The following PNLDC1 variants were observed in gnomAD, a reference collection of about 807,000 sequenced individuals.
PNLDC1 encodes PARN like ribonuclease domain containing exonuclease 1.
PNLDC1 carries 70 observed loss-of-function variants against 82.0 expected under a neutral mutation model. That is an observed-to-expected ratio of 0.85 (90% confidence interval 0.70 to 1.04). The LOEUF (loss-of-function observed/expected upper bound fraction) is 1.04. Among genes scored for constraint, PNLDC1 ranks in the 50% least tolerant of loss-of-function variants. The probability of loss-of-function intolerance (pLI) is 0.00; values close to 1 mark genes in which losing one functional copy is unlikely to be tolerated. For missense variants in PNLDC1, 631 were observed against 661.1 expected, an observed-to-expected ratio of 0.95 and a Z score of 0.50; for synonymous variants, 280 against 249.3, an observed-to-expected ratio of 1.12 and a Z score of -1.16.
At chr6:159,816,860 T>G (rs1451681411) in intron 14 of PNLDC1, among the ~76,000 whole-genome samples, 1 of 152,134 alleles carries the variant, frequency 6.6e-6, no homozygotes, top group African/African-American at 2.4e-5. Context: ...AGATGGGGTT[T>G]CACCATGCTG....
intron 5 of PNLDC1, 129 bp from the exon 6 acceptor site, chr6:159,804,420 G>C (rs1366989054): frequency 1.6e-5 from 11 of 689,952 alleles, no homozygotes; most frequent in Non-Finnish European, 2.5e-6. Context: ...TGTCTTACAA[G>C]TGATCTAGAC....
intron 7 of PNLDC1, among the ~76,000 whole-genome samples, chr6:159,806,567 A>G (rs1216425272): frequency 6.6e-6 from 1 of 152,142 alleles, no homozygotes; most frequent in Non-Finnish European, 1.5e-5. Flanking sequence ...TGCCATTTGC[A>G]TTGGTGCCCA....
chr6:159,811,663 A>G, intron 10 of PNLDC1, 38 bp from the exon 11 acceptor site: 1 of 1,557,932 alleles, frequency 6.4e-7, no homozygotes, highest in Non-Finnish European at 8.8e-7. Context: ...TTGCCAACAA[A>G]CAAATTCACT....
intron 10 of PNLDC1, among the ~76,000 whole-genome samples, chr6:159,810,764 T>TACAAAGA (rs1781619569): frequency 6.6e-6 from 1 of 152,182 alleles, no homozygotes; most frequent in South Asian, 2.1e-4. Context: ...TTAATAAACG[T>TACAAAGA]ACAAAGAACA....
chr6:159,820,336 TGA>T, intron 18 of PNLDC1, 116 bp from the exon 19 acceptor site: 1 of 947,072 alleles, frequency 1.1e-6, no homozygotes, highest in African/African-American at 1.6e-5. Flanking sequence ...GTCGGGAGAG[TGA>T]CAGCAAGAAA....
At position 159,804,660 on chromosome 6, in the gene PNLDC1, C is replaced by G. The variant is rs201706070; in HGVS notation, c.461+23C>G. ...CAGGTATGGCCTGTTTCTCCAGGTG[C>G]CTTTTTGTTTCCTTGTTGCTGTTGT... On this transcript the variant is annotated intron_variant, in intron 6 of 18. Transcript: ENST00000392167. The G allele has an allele frequency of 3.1e-5, 48 of 1,546,962 alleles. No individual in the cohort carries two copies. The Middle Eastern group carries it at 1.7e-3, about 54-fold the overall frequency.
At chr6:159,809,552 C>CT (rs1259668648) in intron 9 of PNLDC1, among the ~76,000 whole-genome samples, 2 of 151,788 alleles carry the variant, frequency 1.3e-5, no homozygotes, top group African/African-American at 4.9e-5. Flanking sequence ...CCTTGGCCTC[C>CT]TAAAATGGTG....
intron 10 of PNLDC1, among the ~76,000 whole-genome samples, chr6:159,810,757 A>G (rs1781619092): frequency 6.6e-6 from 1 of 152,264 alleles, no homozygotes; most frequent in African/African-American, 2.4e-5. Flanking sequence ...AAATGAATTA[A>G]TAAACGTACA....
chr6:159,799,982 C>T (rs190391177), upstream of PNLDC1, among the ~76,000 whole-genome samples: 142 of 152,298 alleles, frequency 9.3e-4, no homozygotes, highest in Non-Finnish European at 1.6e-3. Flanking sequence ...ACTCTGTCTT[C>T]GTCTCCTGCC....
intron 2 of PNLDC1, 122 bp downstream of exon 2, chr6:159,800,951 A>C (rs1441808021): frequency 4.1e-6 from 6 of 1,473,212 alleles, no homozygotes; most frequent in Non-Finnish European, 4.7e-6. Flanking sequence ...TACGTGTTGG[A>C]GGACCTTGCT....
At chr6:159,820,283 C>T (rs1043138985) in intron 18 of PNLDC1, among the ~76,000 whole-genome samples, 171 bp from the exon 19 acceptor site, 2 of 152,184 alleles carry the variant, frequency 1.3e-5, no homozygotes, top group East Asian at 3.9e-4. Context: ...GGTTTGCATC[C>T]CAGAGCCAGC....
At chr6:159,803,463 CG>C in intron 4 of PNLDC1, 153 bp downstream of exon 4, 1 of 657,280 alleles carries the variant, frequency 1.5e-6, no homozygotes, top group Non-Finnish European at 2.6e-6. Context: ...CTGCCCTCTG[CG>C]GATTCCAGCT....
At position 159,817,900 on chromosome 6, in the gene PNLDC1, G is replaced by A. The variant is rs190290421; in HGVS notation, c.1158-655G>A. Among the ~76,000 whole-genome samples the A allele has an allele frequency of 7.5e-4, 114 of 152,320 alleles. 1 individual carries two copies. In the South Asian group the frequency reaches 0.02, roughly 27 times the overall value. On this transcript the variant is annotated intron_variant, in intron 15 of 18. Coordinates refer to ENST00000392167, the MANE Select transcript of PNLDC1 (RefSeq NM_001271862.2). ...TAAATACAAAAGTTCTGTGACACAC[G>A]GATGGGAAGCTTATTTCTTAAATGT...
intron 18 of PNLDC1, 143 bp from the exon 19 acceptor site, chr6:159,820,308 CAGA>C: frequency 1.3e-6 from 1 of 748,358 alleles, no homozygotes; most frequent in Non-Finnish European, 2.2e-6. Context: ...CCTCGAGAGG[CAGA>C]AGTTCAGTGT....
At chr6:159,803,116 CTG>C (rs1458216000) in intron 3 of PNLDC1, among the ~76,000 whole-genome samples, 153 bp from the exon 4 acceptor site, 1 of 152,146 alleles carries the variant, frequency 6.6e-6, no homozygotes, top group Non-Finnish European at 1.5e-5. Context: ...TGCTTCCAGT[CTG>C]TCTTTTCTTT....
chr6:159,799,681 T>G (rs1409445884), upstream of PNLDC1, among the ~76,000 whole-genome samples: 3 of 151,700 alleles, frequency 2.0e-5, no homozygotes, highest in Non-Finnish European at 4.4e-5. Flanking sequence ...CCGCAAGGAG[T>G]GAGTGCACGA....
At chr6:159,808,916 A>G in intron 8 of PNLDC1, 99 bp from the exon 9 acceptor site, 2 of 1,585,232 alleles carry the variant, frequency 1.3e-6, no homozygotes, top group Non-Finnish European at 1.7e-6. Context: ...GCACGCTGCT[A>G]GTTTTTCCCC....
rs730546 is a variant in PNLDC1 at position 159,800,911 on chromosome 6, G to C, written c.134+82G>C. 4.8e-4 allele frequency: 768 copies of C among 1,598,394 alleles called. 5 individuals carry two copies. The African/African-American group carries it at 9.2e-3, about 19-fold the overall frequency. ...CTGGCCAGCAGCCTGTTGGCATTTG[G>C]GGGGCAGGACGTTTTGTGTGGCTTG... is the stretch of plus-strand genomic sequence containing the variant. On this transcript the variant is annotated intron_variant, in intron 2 of 18. Transcript: ENST00000392167.
chr6:159,816,141 C>T (rs538690884), intron 13 of PNLDC1, 108 bp downstream of exon 13: 1 of 632,654 alleles, frequency 1.6e-6, no homozygotes, highest in East Asian at 3.3e-5. Flanking sequence ...CACCCACCCG[C>T]CACACCCCTC....
Sources: gnomAD v4.1 joint callset for allele counts (sites outside exome capture counted in the v4.1 genomes callset) on GRCh38, gnomAD v4.1.1 for gene constraint, MANE v1.5 for transcripts, NCBI Gene and HGNC (gene_info 2026-07-23, HGNC 2026-07-21) for gene names.